The following OGDHL variants were observed in gnomAD, a reference collection of about 807,000 sequenced individuals.
OGDHL encodes the protein 2-oxoglutarate dehydrogenase-like, mitochondrial.
Under a neutral mutation model 109.6 loss-of-function variants are expected in OGDHL, and 79 were observed. That is an observed-to-expected ratio of 0.72 (90% CI 0.60 to 0.87). The LOEUF is 0.87. Among genes scored for constraint, OGDHL ranks in the 40% least tolerant of loss-of-function variants. The pLI is 0.00. For synonymous variants in OGDHL, 528 were observed against 537.2 expected (o/e 0.98, Z 0.24); for missense variants, 1,275 against 1,362.2 (o/e 0.94, Z 1.01).
At chr10:49,742,437 A>AC (rs1439411540) in intron 15 of OGDHL, among the ~76,000 whole-genome samples, 17 of 10,762 alleles carry the variant, frequency 1.6e-3, no homozygotes, top group African/African-American at 4.4e-3. Flanking sequence ...CCACACATAC[A>AC]ACAAACACAC....
intron 3 of OGDHL, among the ~76,000 whole-genome samples, chr10:49,754,934 C>T (rs1842828954): frequency 6.6e-6 from 1 of 152,224 alleles, no homozygotes; most frequent in African/African-American, 2.4e-5. Flanking sequence ...CTGGATCCTG[C>T]TTCAAAGAAG....
At chr10:49,758,365 C>T in intron 2 of OGDHL, 24 bp downstream of exon 2, 1 of 1,591,108 alleles carries the variant, frequency 6.3e-7, no homozygotes, top group Non-Finnish European at 8.6e-7. Context: ...TTGCGGTGGC[C>T]CAGGGTAGGG....
At chr10:49,752,287 T>TGGAG in intron 4 of OGDHL, 39 bp from the exon 5 acceptor site, 1 of 1,520,732 alleles carries the variant, frequency 6.6e-7, no homozygotes, top group Non-Finnish European at 9.1e-7. Context: ...GGCAGCAAAG[T>TGGAG]GGAGGGAGGG....
chr10:49,744,232 G>T, intron 13 of OGDHL, 110 bp from the exon 14 acceptor site: 2 of 1,392,616 alleles, frequency 1.4e-6, no homozygotes, highest in Non-Finnish European at 1.9e-6. Context: ...AACTCCACCG[G>T]CACTCGGACT....
intron 2 of OGDHL, among the ~76,000 whole-genome samples, chr10:49,757,506 T>C (rs531932435): frequency 5.5e-4 from 84 of 152,262 alleles, no homozygotes; most frequent in African/African-American, 1.9e-3. Context: ...ACTATTCCAC[T>C]TTGGGGAATT....
chr10:49,748,589 C>G (rs1395797802), intron 8 of OGDHL, among the ~76,000 whole-genome samples: 1 of 152,190 alleles, frequency 6.6e-6, no homozygotes, highest in African/African-American at 2.4e-5. Context: ...ACTATACACA[C>G]AGGTCATCTT....
chr10:49,749,749 G>T lies in OGDHL; in HGVS notation c.964C>A (p.Pro322Thr). Reference sequence around the variant, plus strand: ...ACCTCGTCCGCCGCCTCCAGCTTGGGGTCAAACTGGCAGAAGATCTGCTCC... The same window carrying T: ...ACCTCGTCCGCCGCCTCCAGCTTGGTGTCAAACTGGCAGAAGATCTGCTCC... ...DLEQIFCQFD[P>T]KLEAADEGSG... The change falls in exon 8 of 23, where the codon CCC becomes ACC. Residue 322 changes from proline to threonine, a missense_variant. Coordinates refer to ENST00000374103, the MANE Select transcript of OGDHL (RefSeq NM_018245.3). 1 of 1,598,608 alleles carries T rather than the reference G, an allele frequency of 6.3e-7. No homozygotes were observed. The highest frequency in any genetic ancestry group is 1.1e-5 in the South Asian group (1 of 88,918).
chr10:49,736,056 A>G lies in OGDHL; in HGVS notation c.2876T>C (p.Phe959Ser). 6.2e-7 allele frequency: 1 copy of G among 1,605,038 alleles called. No individual in the cohort carries two copies. Among genetic ancestry groups the G allele is most frequent in the South Asian group, 1.1e-5 (1 of 89,326 alleles). ...CCGTGCGCGCCTCAGGATGGTCATGAAGCGTGGGCTGATGTAGTCATAGTA... is the reference window on the plus strand; with the variant it reads ...CCGTGCGCGCCTCAGGATGGTCATGGAGCGTGGGCTGATGTAGTCATAGTA... ...MGYYDYISPR[F>S]MTILRRARPI... The change falls in exon 22 of 23, where the codon TTC becomes TCC. Residue 959 changes from phenylalanine to serine, a missense_variant. Phe to Ser is a radical substitution (Grantham distance 155). Coordinates refer to ENST00000374103, the MANE Select transcript of OGDHL (RefSeq NM_018245.3).
Position 49,739,752 on chromosome 10 carries a change from C to A in OGDHL, c.2228G>T (p.Cys743Phe). ...QFGDFHNTAQ[C>F]IIDQFISTGQ... ...GGTGCTGATGAACTGGTCGATGATG[C>A]ACTGGGCCGTGTTGTGGAAGTCCCC... The change falls in exon 17 of 23, where the codon TGC (cysteine) becomes TTC (phenylalanine). Residue 743 changes from cysteine to phenylalanine, a missense_variant. Physicochemically the swap from Cys to Phe is radical, Grantham distance 205 (BLOSUM62 -2). Transcript: ENST00000374103. 1 of 1,614,164 alleles carries A rather than the reference C, an allele frequency of 6.2e-7. No homozygotes were observed. The highest frequency in any genetic ancestry group is 8.5e-7 in the Non-Finnish European group (1 of 1,180,002).
chr10:49,757,029 G>T, intron 2 of OGDHL, 83 bp from the exon 3 acceptor site: 1 of 1,428,156 alleles, frequency 7.0e-7, no homozygotes, highest in South Asian at 1.4e-5. Flanking sequence ...CCCAAGGAGT[G>T]TCAGGTCTTC....
Position 49,738,015 on chromosome 10 carries a change from T to C in OGDHL, c.2449A>G (p.Asn817Asp). The C allele has an allele frequency of 6.2e-7, 1 of 1,614,188 alleles. No homozygotes were observed. Among genetic ancestry groups the C allele is most frequent in the South Asian group, 1.1e-5 (1 of 91,088 alleles). Residue 817 changes from asparagine (N) to aspartate (D), a missense_variant, in exon 19 of 23, where the codon AAC (asparagine) becomes GAC (aspartate). Transcript: ENST00000374103. ...AAGTAGTTGGCCGGTGTGGAGCAGT[T>C]GACCACGATCCAGTTGCAGTCATAG... is the stretch of plus-strand genomic sequence containing the variant. ...QLYDCNWIVV[N>D]CSTPANYFHV...
chr10:49,739,843 A>T lies in OGDHL; in HGVS notation c.2141-4T>A. On this transcript the variant is annotated splice_region_variant and splice_polypyrimidine_tract_variant and intron_variant, in intron 16 of 22. Coordinates refer to ENST00000374103, the MANE Select transcript of OGDHL (RefSeq NM_018245.3). The stretch of plus-strand genomic sequence containing the variant: ...ATGGCATAGCCCAGCTCAAAGCCTA[A>T]ACAGAAGACAAGATAGAGCTTGCTG... 1 of 1,611,138 alleles carries T rather than the reference A, an allele frequency of 6.2e-7. No individual in the cohort carries two copies. Among genetic ancestry groups the T allele is most frequent in the Non-Finnish European group, 8.5e-7 (1 of 1,178,516 alleles).
At chr10:49,750,814 A>G in intron 7 of OGDHL, 25 bp downstream of exon 7, 1 of 1,592,298 alleles carries the variant, frequency 6.3e-7, no homozygotes, top group Non-Finnish European at 8.6e-7. Flanking sequence ...AGAATGCGCA[A>G]GGCACAGCAG....
chr10:49,736,432 C>A lies in OGDHL; in HGVS notation c.2679G>T (p.Lys893Asn). 1 of 1,614,136 alleles carries A rather than the reference C, an allele frequency of 6.2e-7. No homozygotes were observed. Among genetic ancestry groups the A allele is most frequent in the Non-Finnish European group, 8.5e-7 (1 of 1,180,028 alleles). ...GCTCCTTCACCAGGTCATAGTACAC[C>A]TTTCCCGTGCAGAAGATGAGCCGCT... ...QVQRLIFCTG[K>N]VYYDLVKERS... The change falls in exon 21 of 23, where the codon AAG becomes AAT. Residue 893 changes from lysine (K) to asparagine (N), a missense_variant. Coordinates refer to ENST00000374103, the MANE Select transcript of OGDHL (RefSeq NM_018245.3).
chr10:49,745,105 C>T (rs1842077739), intron 12 of OGDHL, among the ~76,000 whole-genome samples: 1 of 152,256 alleles, frequency 6.6e-6, no homozygotes, highest in Admixed American at 6.5e-5. Flanking sequence ...AGCCTTCCCG[C>T]ACTCCTGCTC....
At chr10:49,744,255 AC>A in intron 13 of OGDHL, 133 bp from the exon 14 acceptor site, 1 of 1,149,896 alleles carries the variant, frequency 8.7e-7, no homozygotes, top group East Asian at 2.6e-5. Context: ...CCCTGAGCCC[AC>A]CCTTGGGACC....
Position 49,747,195 on chromosome 10 carries a change from A to C in OGDHL, c.1001T>G (p.Val334Gly). Residue 334 changes from valine (V) to glycine (G), a missense_variant, in exon 9 of 23, where the codon GTC becomes GGC. By Grantham distance (109) the Val-to-Gly change is moderately radical. Transcript: ENST00000374103. ...LEAADEGSGD[V>G]KYHLGMYHER... is the part of the protein sequence containing the mutation. ...ATGGTACATGCCCAGGTGGTACTTG[A>C]CATCCCCGGAGCCCTGAAGGTGGAG... The C allele has an allele frequency of 6.2e-7, 1 of 1,614,012 alleles. No homozygotes were observed. Among genetic ancestry groups the C allele is most frequent in the African/African-American group, 1.3e-5 (1 of 75,048 alleles).
At position 49,746,774 on chromosome 10, in the gene OGDHL, G is replaced by C; in HGVS notation, c.1272C>G (p.Thr424=). 1 of 1,614,150 alleles carries C rather than the reference G, an allele frequency of 6.2e-7. No individual in the cohort carries two copies. Among genetic ancestry groups the C allele is most frequent in the South Asian group, 1.1e-5 (1 of 91,082 alleles). Residue 424 remains threonine, a synonymous_variant, in exon 10 of 23, where the codon ACC becomes ACG. Coordinates refer to ENST00000374103, the MANE Select transcript of OGDHL (RefSeq NM_018245.3). ...SDLPSYTTNG[T]VHVVVNNQIG... is the part of the protein sequence containing the mutation. ...CCTGGTTGTTGACGACGACGTGCAC[G>C]GTACCATTGGTCGTGTAGGAGGGCA...
chr10:49,761,809 C>A (rs978312378), intron 1 of OGDHL, among the ~76,000 whole-genome samples: 49 of 152,334 alleles, frequency 3.2e-4, no homozygotes, highest in African/African-American at 1.2e-3. Flanking sequence ...CGGTTAAAAC[C>A]GTCTATTAGG....
Sources: gnomAD v4.1 joint callset for allele counts (sites outside exome capture counted in the v4.1 genomes callset) on GRCh38, gnomAD v4.1.1 for gene constraint, MANE v1.5 for transcripts, NCBI Gene and HGNC (gene_info 2026-07-23, HGNC 2026-07-21) for gene names.